MVB12B: variants seen among roughly 807,000 people sequenced by gnomAD.
The protein encoded by MVB12B is multivesicular body subunit 12B, also known as ESCRT-I complex subunit MVB12B.
In MVB12B, 16 loss-of-function variants were observed where a neutral mutation model predicts 41.6. The observed-to-expected ratio is 0.38, with a 90% CI of 0.26 to 0.58. MVB12B has a LOEUF of 0.58. Among genes scored for constraint, MVB12B ranks in the 20% least tolerant of loss-of-function variants. The pLI is 0.62. For missense variants in MVB12B, 274 were observed against 380.2 expected (o/e 0.72, Z 2.32); for synonymous variants, 133 against 139.7 (o/e 0.95, Z 0.34).
intron 2 of MVB12B, among the ~76,000 whole-genome samples, chr9:126,357,083 T>C (rs1050737098): frequency 1.3e-5 from 2 of 152,234 alleles, no homozygotes; most frequent in South Asian, 2.1e-4. Context: ...TTACTTTCTG[T>C]CACTGTAGTC....
chr9:126,350,510 G>T (rs1421471298), intron 2 of MVB12B, among the ~76,000 whole-genome samples: 1 of 152,152 alleles, frequency 6.6e-6, no homozygotes, highest in African/African-American at 2.4e-5. Flanking sequence ...ATTTCTGGAG[G>T]CTGGGAAGTC....
rs1489712505 is a variant in MVB12B at position 126,459,602 on chromosome 9, T to A, written c.758-21767T>A. Among the ~76,000 whole-genome samples, 1 of 152,042 alleles carries A rather than the reference T, an allele frequency of 6.6e-6. No homozygotes were observed. Among genetic ancestry groups the A allele is most frequent in the African/African-American group, 2.4e-5 (1 of 41,398 alleles). ...CCCAGAGCCAAAGCCTCGGGAGGCT[T>A]GGGGCTAAGGATGTGTATTTTCGCA... On this transcript the variant is annotated intron_variant, in intron 7 of 9. Transcript: ENST00000361171. This position sits in a 1 kb window ranked among gnomAD's most constrained non-coding sequence, Gnocchi z 4.3.
Position 126,376,412 on chromosome 9 carries a change from C to A in MVB12B, c.205-4652C>A, listed in dbSNP as rs913396598. On this transcript the variant is annotated intron_variant, in intron 2 of 9. Transcript: ENST00000361171. The surrounding 1 kb of genome is among the most constrained non-coding windows in gnomAD (Gnocchi z 4.1). ...GTCATGTCTGAGCCTGTCCCCAGTG[C>A]CTGGTGACCCTTTGTTGTGGGTTGG... The A allele has an allele frequency of 7.9e-5, 72 of 914,070 alleles. No homozygotes were observed. The Admixed American group carries it at 1.2e-3, about 15-fold the overall frequency. 56.6% of individuals were successfully genotyped at this position (914,070 alleles called of 1,614,324 possible).
intron 9 of MVB12B, among the ~76,000 whole-genome samples, chr9:126,496,198 C>T (rs866661554): frequency 7.2e-4 from 102 of 141,382 alleles, no homozygotes; most frequent in African/African-American, 2.7e-3. Flanking sequence ...CCCACCCACC[C>T]ACCTACCCAC....
At chr9:126,460,012 G>A (rs1454399719) in intron 7 of MVB12B, among the ~76,000 whole-genome samples, 4 of 152,194 alleles carry the variant, frequency 2.6e-5, no homozygotes, top group Non-Finnish European at 5.9e-5. Flanking sequence ...CCCCAGCCGT[G>A]GCCTCTGCAG....
rs1833615217 is a variant in MVB12B at position 126,486,170 on chromosome 9, T to A, written c.873+2138T>A. Among the ~76,000 whole-genome samples, 1 of 152,152 alleles carries A rather than the reference T, an allele frequency of 6.6e-6. No individual in the cohort carries two copies. The highest frequency in any genetic ancestry group is 6.5e-5 in the Admixed American group (1 of 15,282). On this transcript the variant is annotated intron_variant, in intron 9 of 9. Transcript: ENST00000361171. The surrounding 1 kb of genome is among the most constrained non-coding windows in gnomAD (Gnocchi z 4.7). ...ATCATAAAAACCAACCTGATTGTCA[T>A]ATATAGATTTTTTTTTCTTTTTTTG...
At chr9:126,496,371 A>G (rs1350077881) in intron 9 of MVB12B, among the ~76,000 whole-genome samples, 1 of 118,164 alleles carries the variant, frequency 8.5e-6, no homozygotes, top group Non-Finnish European at 1.7e-5. Context: ...CTGCCCATCC[A>G]CTCAGCCACT....
chr9:126,405,261 C>A (rs1183693120), intron 6 of MVB12B, among the ~76,000 whole-genome samples: 1 of 151,950 alleles, frequency 6.6e-6, no homozygotes, highest in Non-Finnish European at 1.5e-5. Context: ...TTGTTATCGT[C>A]CCGAGAAGCA....
At position 126,443,496 on chromosome 9, in the gene MVB12B, A is replaced by T. The variant is rs537047470; in HGVS notation, c.757+21548A>T. ...TCTTCCTCTTTTAAAAAATAAAAAAACAGACACAAAGCTTTTCTTACCTGA... is the reference window on the plus strand; with the variant it reads ...TCTTCCTCTTTTAAAAAATAAAAAATCAGACACAAAGCTTTTCTTACCTGA... On this transcript the variant is annotated intron_variant, in intron 7 of 9. Transcript: ENST00000361171. Among the ~76,000 whole-genome samples, 1,045 of 152,368 alleles carry T rather than the reference A, an allele frequency of 6.9e-3. 16 individuals are homozygous for T. The highest frequency in any genetic ancestry group is 0.024 in the African/African-American group (998 of 41,586).
intron 2 of MVB12B, among the ~76,000 whole-genome samples, chr9:126,349,666 G>A (rs987791199): frequency 9.9e-5 from 15 of 152,200 alleles, no homozygotes; most frequent in African/African-American, 3.6e-4. Context: ...CATGCAGAGA[G>A]TCTATTGTGT....
intron 1 of MVB12B, among the ~76,000 whole-genome samples, chr9:126,337,780 T>C (rs112471567): frequency 0.018 from 2,809 of 152,272 alleles, 90 homozygotes; most frequent in African/African-American, 0.065. Flanking sequence ...TGAGGAGCTG[T>C]TGATACAACC....
chr9:126,411,947 G>C (rs937093215), intron 6 of MVB12B, among the ~76,000 whole-genome samples: 5 of 152,156 alleles, frequency 3.3e-5, no homozygotes, highest in African/African-American at 1.2e-4. Context: ...AGGAGGATTC[G>C]AGTGTTAGTC....
chr9:126,485,791 T>C (rs901898249), intron 9 of MVB12B, among the ~76,000 whole-genome samples: 2 of 152,172 alleles, frequency 1.3e-5, no homozygotes, highest in Non-Finnish European at 2.9e-5. Flanking sequence ...GGCATGCGGA[T>C]GATAACTCTG....
chr9:126,386,797 CT>C lies in MVB12B; in HGVS notation c.409+143del, dbSNP rs1830808300. Reference sequence around the variant, plus strand: ...ACATGCCCATGAACAAACCCTGCTGCTTTTGATGTGTGTCTGGCTGGGTTCT... The same window carrying C: ...ACATGCCCATGAACAAACCCTGCTGCTTTGATGTGTGTCTGGCTGGGTTCT... On this transcript the variant is annotated intron_variant, in intron 4 of 9. Coordinates refer to ENST00000361171, the MANE Select transcript of MVB12B (RefSeq NM_033446.3). This position sits in a 1 kb window ranked among gnomAD's most constrained non-coding sequence, Gnocchi z 4.3. 2 of 639,190 alleles carry C rather than the reference CT, an allele frequency of 3.1e-6. No individual in the cohort carries two copies. Among genetic ancestry groups the C allele is most frequent in the Non-Finnish European group, 5.6e-6 (2 of 359,772 alleles). 39.6% of individuals were successfully genotyped at this position (639,190 alleles called of 1,614,324 possible).
chr9:126,327,810 T>C (rs1829026308), intron 1 of MVB12B, among the ~76,000 whole-genome samples: 1 of 152,078 alleles, frequency 6.6e-6, no homozygotes, highest in Admixed American at 6.5e-5. Flanking sequence ...CCTCAACACC[T>C]CTTGCACAAG....
chr9:126,397,214 A>G lies in MVB12B; in HGVS notation c.662+1517A>G, dbSNP rs555466673. 1.2e-5 allele frequency: 12 copies of G among 985,494 alleles called. No homozygotes were observed. The African/African-American group carries it at 2.1e-4, about 17-fold the overall frequency. 61.0% of individuals were successfully genotyped at this position (985,494 alleles called of 1,614,324 possible). On this transcript the variant is annotated intron_variant, in intron 6 of 9. Coordinates refer to ENST00000361171, the MANE Select transcript of MVB12B (RefSeq NM_033446.3). ...CATCATGTGGTCTAGAAGGGCCCAG[A>G]AATGGGCACCACCTCAGGCAGGTTT...
In MVB12B at chr9:126,395,682, C is replaced by T. The variant is rs769200378; in HGVS notation, c.647C>T (p.Ala216Val). Residue 216 changes from alanine (A) to valine (V), a missense_variant, in exon 6 of 10, where the codon GCC (alanine) becomes GTC (valine). Transcript: ENST00000361171. The surrounding 1 kb of genome is among the most constrained non-coding windows in gnomAD (Gnocchi z 4.9). ...CAGTCATCAGCTGCCTCCACCCCAG[C>T]CCCCAACCTTCCCAGGTGAGGCCTT... ...PSQSSAASTPAPNLPRHISLT... is the reference protein window; with the variant it reads ...PSQSSAASTPVPNLPRHISLT... 6.2e-7 allele frequency: 1 copy of T among 1,614,104 alleles called. No homozygotes were observed. The highest frequency in any genetic ancestry group is 8.5e-7 in the Non-Finnish European group (1 of 1,179,982).
intron 7 of MVB12B, among the ~76,000 whole-genome samples, chr9:126,476,574 A>T (rs1406461949): frequency 3.3e-5 from 5 of 152,320 alleles, no homozygotes; most frequent in African/African-American, 9.6e-5. Flanking sequence ...CTTACATATT[A>T]TATATACAAA....
chr9:126,494,873 C>G (rs7027798), intron 9 of MVB12B, among the ~76,000 whole-genome samples: 39,819 of 150,716 alleles, frequency 0.26, 6,587 homozygotes, highest in African/African-American at 0.46. Flanking sequence ...ACCCCACCCC[C>G]CCCCAGGGTT....
Sources: allele counts gnomAD v4.1 joint callset (sites outside exome capture counted in the v4.1 genomes callset), GRCh38; gene constraint gnomAD v4.1.1; non-coding constraint Gnocchi (gnomAD v3.1); transcripts MANE v1.5; gene names NCBI Gene and HGNC (gene_info 2026-07-23, HGNC 2026-07-21).